Variants in LINGO2 observed in about 807,000 individuals in gnomAD.
LINGO2 encodes the protein leucine-rich repeat and immunoglobulin-like domain-containing nogo receptor-interacting protein 2.
LINGO2 carries 14 observed loss-of-function variants against 30.6 expected under a neutral mutation model. The observed-to-expected ratio is 0.46, with a 90% CI of 0.30 to 0.72. The LOEUF (loss-of-function observed/expected upper bound fraction) is 0.72. Ranked by LOEUF, LINGO2 falls within the 30% of genes least tolerant of loss-of-function variation. LINGO2 has a pLI of 0.07. For synonymous variants in LINGO2, 317 were observed against 288.5 expected, an observed-to-expected ratio of 1.10 and a Z score of -1.00; for missense variants, 729 against 751.7, an observed-to-expected ratio of 0.97 and a Z score of 0.35.
chr9:28,943,724 A>T, the LINGO2 span, among the ~76,000 whole-genome samples: 1 of 152,190 alleles, frequency 6.6e-6, no homozygotes. Context: ...AATGGATGGA[A>T]AAAAAGGATA....
At chr9:28,135,183 C>T (rs747256910) in intron 4 of LINGO2, among the ~76,000 whole-genome samples, 3 of 151,972 alleles carry the variant, frequency 2.0e-5, no homozygotes, top group Non-Finnish European at 4.4e-5. Context: ...AAAATCGTAA[C>T]CAAATATTTC....
rs117578587 is a variant in LINGO2 at position 28,443,919 on chromosome 9, T to C, written c.-279+32021A>G. Among the ~76,000 whole-genome samples the C allele has an allele frequency of 6.5e-3, 989 of 152,228 alleles. 43 individuals are homozygous for C. In the East Asian group the frequency reaches 0.095, roughly 15 times the overall value. ...GGCTGGCAGTTCCAGGTGGAGTCCA[T>C]GACCTGGAGTGAGAACTTATGGTGC... On this transcript the variant is annotated intron_variant, in intron 2 of 5. Transcript: ENST00000379992.
At chr9:29,179,207 C>G in the LINGO2 span, among the ~76,000 whole-genome samples, 2 of 119,310 alleles carry the variant, frequency 1.7e-5, no homozygotes, top group Non-Finnish European at 3.4e-5. Flanking sequence ...ATATATGTTT[C>G]ACTCCTTGCT....
At chr9:28,237,155 GTT>G (rs139511360) in intron 4 of LINGO2, among the ~76,000 whole-genome samples, 2 of 149,852 alleles carry the variant, frequency 1.3e-5, no homozygotes, top group Admixed American at 1.3e-4. Flanking sequence ...TTTTTATTAG[GTT>G]TTTTTTGCAT....
chr9:28,971,283 C>T, the LINGO2 span, among the ~76,000 whole-genome samples: 13,520 of 152,238 alleles, frequency 0.089, 834 homozygotes, highest in African/African-American at 0.17. Context: ...GACTTGCTGG[C>T]TTCAGGTATT....
intron 4 of LINGO2, among the ~76,000 whole-genome samples, chr9:28,159,118 G>C (rs969860083): frequency 6.6e-6 from 1 of 152,060 alleles, no homozygotes; most frequent in African/African-American, 2.4e-5. Flanking sequence ...TGCTTTATAA[G>C]GTATAAAAAT....
chr9:29,170,293 T>C, the LINGO2 span, among the ~76,000 whole-genome samples: 1 of 152,268 alleles, frequency 6.6e-6, no homozygotes, highest in East Asian at 1.9e-4. Flanking sequence ...ACTATGTATT[T>C]TGCAGCAACA....
intron 3 of LINGO2, among the ~76,000 whole-genome samples, chr9:28,331,826 AT>A (rs5897280): frequency 0.18 from 26,924 of 152,180 alleles, 2,841 homozygotes; most frequent in East Asian, 0.27. Flanking sequence ...TAAAAATCAC[AT>A]AAAGGAAAAA....
the LINGO2 span, among the ~76,000 whole-genome samples, chr9:28,676,115 T>C: frequency 1.9e-4 from 28 of 151,166 alleles, no homozygotes; most frequent in Admixed American, 7.3e-4. Flanking sequence ...TCCATTAGAA[T>C]AGAAAAACTG....
chr9:28,481,485 G>A (rs987925085), intron 1 of LINGO2, among the ~76,000 whole-genome samples: 1 of 151,836 alleles, frequency 6.6e-6, no homozygotes, highest in African/African-American at 2.4e-5. Context: ...ATATTCAGAG[G>A]AACATTCCTT....
At chr9:28,163,859 G>T (rs1055976221) in intron 4 of LINGO2, among the ~76,000 whole-genome samples, 7 of 152,036 alleles carry the variant, frequency 4.6e-5, no homozygotes, top group African/African-American at 1.4e-4. Flanking sequence ...AATAACAATT[G>T]TTCAAATGAT....
At chr9:28,911,193 C>T in the LINGO2 span, among the ~76,000 whole-genome samples, 3 of 152,056 alleles carry the variant, frequency 2.0e-5, no homozygotes, top group South Asian at 6.2e-4. Flanking sequence ...TAAGAGGTAA[C>T]AAAATGCATA....
chr9:28,661,896 G>A (rs1828599072), intron 1 of LINGO2, among the ~76,000 whole-genome samples: 1 of 152,102 alleles, frequency 6.6e-6, no homozygotes, highest in African/African-American at 2.4e-5. Context: ...AACAGGGGTG[G>A]CAGGAGGTAT....
chr9:29,177,432 T>C, the LINGO2 span, among the ~76,000 whole-genome samples: 2 of 152,150 alleles, frequency 1.3e-5, no homozygotes, highest in Non-Finnish European at 2.9e-5. Flanking sequence ...CGGTAGTTAA[T>C]TAAACTTCAG....
At chr9:29,022,709 CTACAT>C in the LINGO2 span, among the ~76,000 whole-genome samples, 3 of 152,130 alleles carry the variant, frequency 2.0e-5, no homozygotes, top group Non-Finnish European at 4.4e-5. Context: ...GGATTTTTCA[CTACAT>C]TAAAGTAATA....
At chr9:28,888,932 T>C in the LINGO2 span, 1 of 533,246 alleles carries the variant, frequency 1.9e-6, no homozygotes, top group Admixed American at 1.9e-5. Flanking sequence ...AATAGGAGAC[T>C]CACAAGTTCC....
At chr9:28,789,984 C>T in the LINGO2 span, among the ~76,000 whole-genome samples, 2 of 152,074 alleles carry the variant, frequency 1.3e-5, no homozygotes, top group Non-Finnish European at 2.9e-5. Context: ...CAGTAGTCCC[C>T]CCTTGCCCAT....
intron 4 of LINGO2, among the ~76,000 whole-genome samples, chr9:28,212,010 G>A (rs1820610487): frequency 6.6e-6 from 1 of 151,244 alleles, no homozygotes; most frequent in South Asian, 2.1e-4. Flanking sequence ...TTTAACTGGA[G>A]TTTAGCTGGT....
At chr9:29,096,914 T>C in the LINGO2 span, among the ~76,000 whole-genome samples, 1 of 139,372 alleles carries the variant, frequency 7.2e-6, no homozygotes, top group East Asian at 2.5e-4. Flanking sequence ...TAGTCACATA[T>C]TTTAACATTT....
Sources: allele counts gnomAD v4.1 joint callset (sites outside exome capture counted in the v4.1 genomes callset), GRCh38; gene constraint gnomAD v4.1.1; transcripts MANE v1.5; gene names NCBI Gene and HGNC (gene_info 2026-07-23, HGNC 2026-07-21).